The following LRP3 variants were observed in gnomAD, a reference collection of about 807,000 sequenced individuals.
LRP3 encodes LDL receptor related protein 3.
LRP3 carries 49 observed loss-of-function variants against 58.5 expected under a neutral mutation model. The observed-to-expected ratio is 0.84, with a 90% CI of 0.67 to 1.06. The LOEUF is 1.06. Ranked by LOEUF, LRP3 falls within the 50% of genes least tolerant of loss-of-function variation. The pLI, the probability that LRP3 is intolerant of heterozygous loss-of-function variation, is 0.00. For missense variants in LRP3, 1,019 were observed against 1,134.2 expected (o/e 0.90, Z 1.46); for synonymous variants, 485 against 492.2 (o/e 0.99, Z 0.20).
intron 1 of LRP3, 43 bp downstream of exon 1, chr19:33,194,901 T>G: frequency 1.0e-6 from 1 of 983,692 alleles, no homozygotes; most frequent in Non-Finnish European, 1.2e-6. Context: ...GTCCCCCGCA[T>G]GGCAGTCCGC....
chr19:33,200,613 G>C (rs1974331908), intron 2 of LRP3, among the ~76,000 whole-genome samples: 1 of 152,240 alleles, frequency 6.6e-6, no homozygotes, highest in South Asian at 2.1e-4. Flanking sequence ...ATGGCCAGTA[G>C]CCTCACCCGG....
rs149910608 is a variant in LRP3, at chr19:33,203,030, C to T, written c.260+44C>T. Reference sequence around the variant, plus strand: ...GTCGGAAGGAATCAATGTGGGCCCACGTGCATGGGGTGGGTGAGAATGTGT... The same window carrying T: ...GTCGGAAGGAATCAATGTGGGCCCATGTGCATGGGGTGGGTGAGAATGTGT... On this transcript the variant is annotated intron_variant, in intron 3 of 6. Coordinates refer to ENST00000253193, the MANE Select transcript of LRP3 (RefSeq NM_002333.4). 2.0e-4 allele frequency: 314 copies of T among 1,600,186 alleles called. No individual in the cohort carries two copies. The African/African-American group carries it at 2.7e-3, about 14-fold the overall frequency.
chr19:33,196,634 G>T, intron 1 of LRP3, 96 bp from the exon 2 acceptor site: 1 of 1,136,606 alleles, frequency 8.8e-7, no homozygotes, highest in East Asian at 2.4e-5. Context: ...GGACCAGCGG[G>T]CCAGCCTTGG....
At chr19:33,195,331 G>A (rs1445579858) in intron 1 of LRP3, among the ~76,000 whole-genome samples, 1 of 152,214 alleles carries the variant, frequency 6.6e-6, no homozygotes, top group Non-Finnish European at 1.5e-5. Flanking sequence ...CGGCTTCCAG[G>A]GGACTCCTGT....
intron 4 of LRP3, 70 bp from the exon 5 acceptor site, chr19:33,205,176 C>T (rs1426258262): frequency 1.3e-6 from 2 of 1,527,446 alleles, no homozygotes; most frequent in Admixed American, 2.0e-5. Flanking sequence ...CGCTTTTGGC[C>T]CCAGGCCCCC....
Position 33,205,828 on chromosome 19 carries a change from G to A in LRP3, c.1058G>A (p.Ser353Asn). 6.3e-7 allele frequency: 1 copy of A among 1,588,174 alleles called. No individual in the cohort carries two copies. The highest frequency in any genetic ancestry group is 8.6e-7 in the Non-Finnish European group (1 of 1,168,658). Reference protein sequence around the residue: ...LTVAYHARARSAGHGFNATYQ... With the variant: ...LTVAYHARARNAGHGFNATYQ... ...GTGGCCTACCACGCGCGCGCCCGCAGCGCCGGCCACGGCTTCAATGCCACC... is the reference window on the plus strand; with the variant it reads ...GTGGCCTACCACGCGCGCGCCCGCAACGCCGGCCACGGCTTCAATGCCACC... Residue 353 changes from serine (S) to asparagine (N), a missense_variant, in exon 5 of 7, where the codon AGC becomes AAC. This residue lies in a region of LRP3 where 592 missense variants were observed against 725.5 expected (regional missense o/e 0.82). Coordinates refer to ENST00000253193, the MANE Select transcript of LRP3 (RefSeq NM_002333.4).
At position 33,206,680 on chromosome 19, in the gene LRP3, G is replaced by A. The variant is rs1442590351; in HGVS notation, c.1672G>A (p.Ala558Thr). ...ACCCCCATCCTATGGTCAGCTCATC[G>A]CCCAGGGCCTCATTCCACCCGTGGA... The part of the protein sequence containing the change: ...EAPPSYGQLI[A>T]QGLIPPVEDF... Residue 558 changes from alanine (A) to threonine (T), a missense_variant, in exon 6 of 7, where the codon GCC (alanine) becomes ACC (threonine). Ala to Thr is a moderately conservative substitution (Grantham distance 58). This residue lies in a region of LRP3 where 427 missense variants were observed against 408.6 expected (regional missense o/e 1.04). Coordinates refer to ENST00000253193, the MANE Select transcript of LRP3 (RefSeq NM_002333.4). 1.9e-6 allele frequency: 3 copies of A among 1,563,844 alleles called. No homozygotes were observed. Among genetic ancestry groups the A allele is most frequent in the Non-Finnish European group, 2.6e-6 (3 of 1,156,728 alleles).
At chr19:33,203,141 ATGAG>A (rs3065441) in intron 3 of LRP3, among the ~76,000 whole-genome samples, 155 bp downstream of exon 3, 15,592 of 151,692 alleles carry the variant, frequency 0.1, 1,627 homozygotes, top group African/African-American at 0.27. Flanking sequence ...GTGTGAGCAT[ATGAG>A]TGAGGCGTGT....
rs771245785 is a variant in LRP3, at chr19:33,205,490, C to T, written c.720C>T (p.Cys240=). 97 of 1,580,672 alleles carry T rather than the reference C, an allele frequency of 6.1e-5. No homozygotes were observed. The highest frequency in any genetic ancestry group is 7.5e-5 in the Non-Finnish European group (88 of 1,166,600). Reference sequence around the variant, plus strand: ...GGCGCTGTGACGGCTTGCAGGACTGCGGCGACGGCTCGGATGAGGCGGGCT... The same window carrying T: ...GGCGCTGTGACGGCTTGCAGGACTGTGGCGACGGCTCGGATGAGGCGGGCT... ...VERRCDGLQD[C]GDGSDEAGCP... is the part of the protein sequence containing the mutation. Residue 240 remains cysteine (C), a synonymous_variant, in exon 5 of 7, where the codon TGC becomes TGT. Coordinates refer to ENST00000253193, the MANE Select transcript of LRP3 (RefSeq NM_002333.4).
At chr19:33,195,139 C>T (rs1442207790) in intron 1 of LRP3, among the ~76,000 whole-genome samples, 1 of 152,140 alleles carries the variant, frequency 6.6e-6, no homozygotes, top group African/African-American at 2.4e-5. Context: ...CAGCCTTCAA[C>T]CCGGCCCGCC....
rs553454434 is a variant in LRP3, at chr19:33,202,592, G to C, written c.122-256G>C. On this transcript the variant is annotated intron_variant, in intron 2 of 6. Transcript: ENST00000253193. ...CTCCCAGCTCTGCCAGAGATGCGGGGGACAGGACCTAGGCTGTAGTCCACT... is the reference window on the plus strand; with the variant it reads ...CTCCCAGCTCTGCCAGAGATGCGGGCGACAGGACCTAGGCTGTAGTCCACT... 5.3e-5 allele frequency among the ~76,000 whole-genome samples: 8 copies of C among 152,298 alleles called. No homozygotes were observed. In the South Asian group the frequency reaches 1.7e-3, roughly 32 times the overall value.
intron 3 of LRP3, chr19:33,204,400 C>T (rs1302466825): frequency 7.1e-6 from 4 of 567,258 alleles, no homozygotes; most frequent in South Asian, 6.8e-5. Context: ...AAATGACCTG[C>T]GTGGATGTCG....
At chr19:33,203,418 CAT>C (rs1354902520) in intron 3 of LRP3, among the ~76,000 whole-genome samples, 3 of 152,176 alleles carry the variant, frequency 2.0e-5, no homozygotes. Flanking sequence ...TGAGAGACTG[CAT>C]GTGTGAGCAC....
At position 33,205,125 on chromosome 19, in the gene LRP3, G is replaced by A. The variant is rs1365763346; in HGVS notation, c.476-121G>A. The A allele has an allele frequency of 2.6e-5, 29 of 1,112,360 alleles. No individual in the cohort carries two copies. The South Asian group carries it at 4.2e-4, about 16-fold the overall frequency. 68.9% of individuals were successfully genotyped at this position (1,112,360 alleles called of 1,614,324 possible). A position where few individuals can be genotyped will look rare whatever the true frequency, so the allele number is the denominator to read the frequency against. On this transcript the variant is annotated intron_variant, in intron 4 of 6. Coordinates refer to ENST00000253193, the MANE Select transcript of LRP3 (RefSeq NM_002333.4). The stretch of plus-strand genomic sequence containing the variant: ...CAGGGACAGAGCCCACCCTGGTGTT[G>A]GAGGGGTCTCTGCTGCCACAGTGAT...
rs766821273 is a variant in LRP3, at chr19:33,207,365, G to A, written c.2103G>A (p.Lys701=). The A allele has an allele frequency of 6.9e-6, 11 of 1,586,670 alleles. No individual in the cohort carries two copies. The African/African-American group carries it at 1.2e-4, about 17-fold the overall frequency. ...PECRPVDKDR[K]VCREPLVDGP... is the part of the protein sequence containing the mutation. ...GCAGGCCCGTGGACAAGGACAGAAAGGTCTGCAGGGAGCCACTGGTAGACG... is the reference window on the plus strand; with the variant it reads ...GCAGGCCCGTGGACAAGGACAGAAAAGTCTGCAGGGAGCCACTGGTAGACG... Residue 701 remains lysine, a synonymous_variant, in exon 7 of 7, where the codon AAG becomes AAA. Transcript: ENST00000253193.
At chr19:33,202,306 CA>C (rs1419142211) in intron 2 of LRP3, among the ~76,000 whole-genome samples, 1 of 152,240 alleles carries the variant, frequency 6.6e-6, no homozygotes, top group Admixed American at 6.5e-5. Context: ...CGTCTGCTCC[CA>C]CCCCCAGCCT....
At chr19:33,200,904 C>G (rs1408756217) in intron 2 of LRP3, among the ~76,000 whole-genome samples, 1 of 152,192 alleles carries the variant, frequency 6.6e-6, no homozygotes, top group African/African-American at 2.4e-5. Flanking sequence ...ACCAAGAGTT[C>G]TGTTCTTATC....
intron 2 of LRP3, among the ~76,000 whole-genome samples, chr19:33,200,687 CT>C (rs1974332797): frequency 6.6e-6 from 1 of 152,216 alleles, no homozygotes; most frequent in Non-Finnish European, 1.5e-5. Context: ...CCTGAGACTC[CT>C]TTCTGATAGT....
Position 33,206,946 on chromosome 19 carries a change from C to T in LRP3, c.1726-42C>T, listed in dbSNP as rs576973655. The T allele has an allele frequency of 5.0e-6, 7 of 1,390,030 alleles. No homozygotes were observed. The South Asian group carries it at 1.1e-4, about 21-fold the overall frequency. 86.1% of individuals were successfully genotyped at this position (1,390,030 alleles called of 1,614,324 possible). On this transcript the variant is annotated intron_variant, in intron 6 of 6. Transcript: ENST00000253193. Reference sequence around the variant, plus strand: ...TGCCCCTGAGCAGCCTGTCTGCCCCCTCAGCCGCATCCCCCCGCCCCTACC... The same window carrying T: ...TGCCCCTGAGCAGCCTGTCTGCCCCTTCAGCCGCATCCCCCCGCCCCTACC...
Sources: allele counts gnomAD v4.1 joint callset (sites outside exome capture counted in the v4.1 genomes callset), GRCh38; gene constraint gnomAD v4.1.1; regional missense constraint gnomAD v4.1.1; transcripts MANE v1.5; gene names NCBI Gene and HGNC (gene_info 2026-07-23, HGNC 2026-07-21).